MYO18A: variants seen among roughly 807,000 people sequenced by gnomAD.
MYO18A encodes the protein myosin XVIIIA, also known as unconventional myosin-XVIIIa.
A neutral mutation model predicts 235.8 loss-of-function variants in MYO18A; 78 were observed. The observed-to-expected ratio is 0.33, with a 90% CI of 0.28 to 0.40. The LOEUF (loss-of-function observed/expected upper bound fraction) is 0.40, where lower values mean the gene tolerates loss of function less well. MYO18A is among the 10% of genes least tolerant of loss of function. The probability of loss-of-function intolerance (pLI) is 1.00; values close to 1 mark genes in which losing one functional copy is unlikely to be tolerated. For synonymous variants in MYO18A, 977 were observed against 1,077.8 expected, an observed-to-expected ratio of 0.91 and a Z score of 1.83; for missense variants, 2,215 against 2,699.3, an observed-to-expected ratio of 0.82 and a Z score of 3.98.
intron 1 of MYO18A, among the ~76,000 whole-genome samples, chr17:29,179,803 C>G (rs186532554): frequency 6.6e-6 from 1 of 152,326 alleles, no homozygotes; most frequent in East Asian, 1.9e-4. Context: ...AGCCCGCAGT[C>G]TGCCCGGCAG....
At position 29,109,723 on chromosome 17, in the gene MYO18A, G is replaced by C; in HGVS notation, c.3331+135C>G. The C allele has an allele frequency of 8.6e-7, 1 of 1,157,764 alleles. No homozygotes were observed. The highest frequency in any genetic ancestry group is 1.2e-6 in the Non-Finnish European group (1 of 820,316). The allele number at this position is 1,157,764 out of a possible 1,614,324, so 71.7% of individuals were successfully genotyped here. The stretch of plus-strand genomic sequence containing the variant: ...CTGTGGGCTGGGAGAGATGAGGAGA[G>C]ACCAGAGCAGAAAGGATCGTGAGGA... On this transcript the variant is annotated intron_variant, in intron 19 of 41. Coordinates refer to ENST00000527372, the MANE Select transcript of MYO18A (RefSeq NM_078471.4). This position sits in a 1 kb window ranked among gnomAD's most constrained non-coding sequence, Gnocchi z 4.1.
In MYO18A at chr17:29,125,688, C is replaced by T. The variant is rs2067303784; in HGVS notation, c.1000-3435G>A. The stretch of plus-strand genomic sequence containing the variant: ...GCGAGGAGGGGTGCCCTCCCACATG[C>T]ACAGGACTTTGGGCTCTCTGGAGGA... On this transcript the variant is annotated intron_variant, in intron 2 of 41. Transcript: ENST00000527372. This position sits in a 1 kb window ranked among gnomAD's most constrained non-coding sequence, Gnocchi z 5.1. Among the ~76,000 whole-genome samples, 1 of 152,218 alleles carries T rather than the reference C, an allele frequency of 6.6e-6. No individual in the cohort carries two copies. The highest frequency in any genetic ancestry group is 2.1e-4 in the South Asian group (1 of 4,832).
intron 33 of MYO18A, 92 bp downstream of exon 33, chr17:29,092,763 C>T: frequency 6.6e-7 from 1 of 1,522,520 alleles, no homozygotes. Context: ...TTCCCAAGGA[C>T]TCAAGAACCA....
intron 11 of MYO18A, 126 bp downstream of exon 11, chr17:29,116,318 G>T: frequency 9.5e-7 from 1 of 1,057,562 alleles, no homozygotes; most frequent in Non-Finnish European, 1.5e-6. Flanking sequence ...ACCCACTGAT[G>T]GCCCAACAGT....
Position 29,120,522 on chromosome 17 carries a change from C to T in MYO18A, c.1728+94G>A, listed in dbSNP as rs2067171821. The T allele has an allele frequency of 6.8e-7, 1 of 1,470,984 alleles. No homozygotes were observed. The highest frequency in any genetic ancestry group is 1.4e-5 in the South Asian group (1 of 73,306). 91.1% of individuals were successfully genotyped at this position (1,470,984 alleles called of 1,614,324 possible). A position where few individuals can be genotyped will look rare whatever the true frequency, so the allele number is the denominator to read the frequency against. ...GGTCAATTTTGTTAGGGTAGAATCC[C>T]AGGAAAATGAGGCATGGGAGAGAGC... On this transcript the variant is annotated intron_variant, in intron 7 of 41. Transcript: ENST00000527372. The surrounding 1 kb of genome is among the most constrained non-coding windows in gnomAD (Gnocchi z 4.2).
chr17:29,078,545 G>A (rs1331476463), intron 41 of MYO18A: 1 of 152,304 alleles, frequency 6.6e-6, no homozygotes, highest in Non-Finnish European at 1.5e-5. Flanking sequence ...CATGCGACAG[G>A]TGTGTTAGTT....
chr17:29,147,699 C>T (rs2067877288), intron 2 of MYO18A, among the ~76,000 whole-genome samples: 3 of 151,806 alleles, frequency 2.0e-5, no homozygotes, highest in African/African-American at 4.8e-5. Context: ...ACCAGGAGTT[C>T]AAGACCAGCC....
chr17:29,096,918 AG>A lies in MYO18A; in HGVS notation c.4231-4del. ...CTATCTGCCTGCAGGTCCCCGAGCT[AG>A]GGGCCAAGATGGGGTGCATATACAG... is the stretch of plus-strand genomic sequence containing the variant. On this transcript the variant is annotated splice_polypyrimidine_tract_variant and splice_region_variant and intron_variant, in intron 27 of 41. Transcript: ENST00000527372. The A allele has an allele frequency of 6.4e-7, 1 of 1,559,358 alleles. No homozygotes were observed. Among genetic ancestry groups the A allele is most frequent in the South Asian group, 1.2e-5 (1 of 83,900 alleles).
Position 29,074,674 on chromosome 17 carries a change from T to C in MYO18A, c.*96A>G, listed in dbSNP as rs2065932533. On this transcript the variant is annotated 3_prime_UTR_variant, in exon 42 of 42. Transcript: ENST00000527372. The surrounding 1 kb of genome is among the most constrained non-coding windows in gnomAD (Gnocchi z 4.4). Reference sequence around the variant, plus strand: ...GGGTGTTTCCCATGCAGATCAGCAGTCGGGTGGGGGAGACCGGTGCCCCAC... The same window carrying C: ...GGGTGTTTCCCATGCAGATCAGCAGCCGGGTGGGGGAGACCGGTGCCCCAC... 7.3e-7 allele frequency: 1 copy of C among 1,372,830 alleles called. No individual in the cohort carries two copies. Among genetic ancestry groups the C allele is most frequent in the African/African-American group, 1.4e-5 (1 of 70,302 alleles). 85.0% of individuals were successfully genotyped at this position (1,372,830 alleles called of 1,614,324 possible).
chr17:29,087,241 T>C, intron 37 of MYO18A, 120 bp from the exon 38 acceptor site: 1 of 1,054,592 alleles, frequency 9.5e-7, no homozygotes, highest in South Asian at 1.6e-5. Context: ...CACCGTTCAT[T>C]GGCTACCTGG....
chr17:29,161,890 A>G (rs1336408596), intron 2 of MYO18A, among the ~76,000 whole-genome samples: 1 of 152,224 alleles, frequency 6.6e-6, no homozygotes, highest in South Asian at 2.1e-4. Flanking sequence ...TAATCTCACC[A>G]GACTTAGGAA....
chr17:29,110,162 G>A (rs369742452), intron 18 of MYO18A, 61 bp from the exon 19 acceptor site: 2 of 1,574,976 alleles, frequency 1.3e-6, no homozygotes, highest in East Asian at 4.5e-5. Flanking sequence ...GAAGAGCAGG[G>A]ACTGGTGCCA....
chr17:29,178,870 A>T (rs1399223872), intron 1 of MYO18A, among the ~76,000 whole-genome samples: 1 of 152,182 alleles, frequency 6.6e-6, no homozygotes, highest in Non-Finnish European at 1.5e-5. Flanking sequence ...TGCTCAGGTG[A>T]TCTTGCTCTT....
At chr17:29,075,497 A>C (rs1230336589) in intron 41 of MYO18A, 1 of 167,288 alleles carries the variant, frequency 6.0e-6, no homozygotes, top group Non-Finnish European at 1.5e-5. Flanking sequence ...TCTACTAACA[A>C]GAAATGGAGG....
intron 7 of MYO18A, among the ~76,000 whole-genome samples, 151 bp from the exon 8 acceptor site, chr17:29,119,586 T>C (rs2067150640): frequency 6.8e-6 from 1 of 146,332 alleles, no homozygotes; most frequent in South Asian, 2.1e-4. Context: ...AGATTTGAGA[T>C]GGAGTCTCAC....
At position 29,106,528 on chromosome 17, in the gene MYO18A, G is replaced by A. The variant is rs1278071145; in HGVS notation, c.3441+552C>T. ...CAGTAAAGGAGGGGTCCTCTGCTCT[G>A]GGAGCCCTGTGACTGTCTAAGGGGC... On this transcript the variant is annotated intron_variant, in intron 20 of 41. Coordinates refer to ENST00000527372, the MANE Select transcript of MYO18A (RefSeq NM_078471.4). This position sits in a 1 kb window ranked among gnomAD's most constrained non-coding sequence, Gnocchi z 4.6. Among the ~76,000 whole-genome samples, 1 of 152,216 alleles carries A rather than the reference G, an allele frequency of 6.6e-6. No homozygotes were observed. Among genetic ancestry groups the A allele is most frequent in the Admixed American group, 6.5e-5 (1 of 15,288 alleles).
Position 29,121,701 on chromosome 17 carries a change from C to T in MYO18A, c.1217G>A (p.Arg406His), listed in dbSNP as rs753087778. 28 of 1,565,466 alleles carry T rather than the reference C, an allele frequency of 1.8e-5. No individual in the cohort carries two copies. The highest frequency in any genetic ancestry group is 5.8e-5 in the South Asian group (5 of 85,916). ...VEKANAPSCD[R>H]LEDLASLVYL... The stretch of plus-strand genomic sequence containing the variant: ...CACCAGTGAGGCCAGATCCTCCAGA[C>T]GGTCGCAGGAGGGAGCATTAGCCTG... Residue 406 changes from arginine (R) to histidine (H), a missense_variant, in exon 5 of 42, where the codon CGT (arginine) becomes CAT (histidine). Physicochemically the swap from Arg to His is conservative, Grantham distance 29 (BLOSUM62 0). Coordinates refer to ENST00000527372, the MANE Select transcript of MYO18A (RefSeq NM_078471.4). The surrounding 1 kb of genome is among the most constrained non-coding windows in gnomAD (Gnocchi z 4.2).
intron 22 of MYO18A, 26 bp downstream of exon 22, chr17:29,099,608 G>T (rs565506010): frequency 4.4e-6 from 7 of 1,606,934 alleles, no homozygotes; most frequent in African/African-American, 1.3e-5. Context: ...GGTTGGGGAG[G>T]GGGAGGGATG....
In MYO18A at chr17:29,109,011, C is replaced by T. The variant is rs1322184256; in HGVS notation, c.3331+847G>A. On this transcript the variant is annotated intron_variant, in intron 19 of 41. Coordinates refer to ENST00000527372, the MANE Select transcript of MYO18A (RefSeq NM_078471.4). The surrounding 1 kb of genome is among the most constrained non-coding windows in gnomAD (Gnocchi z 4.1). The stretch of plus-strand genomic sequence containing the variant: ...TAGAGCAGGGCAGGGAGCCTGTTTC[C>T]TGGCTTGGGCTGCTAAGGAAGTTTT... Among the ~76,000 whole-genome samples the T allele has an allele frequency of 6.6e-6, 1 of 152,112 alleles. No homozygotes were observed. Among genetic ancestry groups the T allele is most frequent in the Non-Finnish European group, 1.5e-5 (1 of 68,028 alleles).
Sources: gnomAD v4.1 joint callset for allele counts (sites outside exome capture counted in the v4.1 genomes callset) on GRCh38, gnomAD v4.1.1 for gene constraint, Gnocchi (gnomAD v3.1) non-coding constraint, MANE v1.5 for transcripts, NCBI Gene and HGNC (gene_info 2026-07-23, HGNC 2026-07-21) for gene names.